Variants in PARD3B observed in about 807,000 individuals in gnomAD.
PARD3B encodes partitioning defective 3 homolog B.
PARD3B carries 103 observed loss-of-function variants against 130.2 expected under a neutral mutation model. The ratio of observed to expected loss-of-function variants is 0.79; its 90% CI spans 0.67 to 0.93. The LOEUF is 0.93. Among genes scored for constraint, PARD3B ranks in the 40% least tolerant of loss-of-function variants. PARD3B has a pLI of 0.00. For missense variants in PARD3B, 1,609 were observed against 1,499.2 expected, an observed-to-expected ratio of 1.07 and a Z score of -1.21; for synonymous variants, 583 against 553.2, an observed-to-expected ratio of 1.05 and a Z score of -0.76.
At chr2:205,170,033 C>T (rs933286246) in intron 11 of PARD3B, among the ~76,000 whole-genome samples, 14 of 151,280 alleles carry the variant, frequency 9.3e-5, no homozygotes, top group African/African-American at 2.4e-4. Context: ...TCGGTTCAAG[C>T]GATTCTCCTG....
chr2:205,104,016 G>T (rs1243412701), intron 4 of PARD3B, among the ~76,000 whole-genome samples: 1 of 152,094 alleles, frequency 6.6e-6, no homozygotes. Context: ...CATGGATTTT[G>T]CTTTTCTTTA....
At chr2:205,137,731 A>G (rs2032607132) in intron 10 of PARD3B, among the ~76,000 whole-genome samples, 1 of 152,170 alleles carries the variant, frequency 6.6e-6, no homozygotes, top group South Asian at 2.1e-4. Flanking sequence ...CGTGTCTGTC[A>G]GTTGGTACTC....
intron 18 of PARD3B, among the ~76,000 whole-genome samples, chr2:205,389,431 C>T (rs190593532): frequency 1.3e-4 from 20 of 152,224 alleles, no homozygotes; most frequent in East Asian, 1.9e-4. Context: ...GACGCTATGT[C>T]GGTTCACTGC....
At chr2:205,104,948 T>C (rs1416709065) in intron 5 of PARD3B, among the ~76,000 whole-genome samples, 1 of 152,208 alleles carries the variant, frequency 6.6e-6, no homozygotes, top group African/African-American at 2.4e-5. Context: ...AATAGTTTAC[T>C]TGATGAAATA....
intron 2 of PARD3B, among the ~76,000 whole-genome samples, chr2:204,874,113 C>T (rs754429450): frequency 6.6e-6 from 1 of 152,074 alleles, no homozygotes; most frequent in Non-Finnish European, 1.5e-5. Context: ...ATCGTACTCC[C>T]GCCTGAGCGA....
At chr2:204,663,415 A>G (rs980649302) in intron 1 of PARD3B, among the ~76,000 whole-genome samples, 2 of 152,232 alleles carry the variant, frequency 1.3e-5, no homozygotes, top group African/African-American at 4.8e-5. Flanking sequence ...TCATATTGGG[A>G]AATGTGAGTA....
intron 1 of PARD3B, among the ~76,000 whole-genome samples, chr2:204,619,323 G>T (rs868864398): frequency 6.6e-6 from 1 of 152,038 alleles, no homozygotes; most frequent in Admixed American, 6.5e-5. Context: ...TAATTGGCAG[G>T]CATTTCATCA....
In PARD3B at chr2:205,158,948, T is replaced by G; in HGVS notation, c.1620+41T>G. The G allele has an allele frequency of 1.9e-6, 3 of 1,599,464 alleles. No homozygotes were observed. Among genetic ancestry groups the G allele is most frequent in the Non-Finnish European group, 2.6e-6 (3 of 1,169,238 alleles). ...ATTTGTACATCCTTTGAGAAGGCAC[T>G]TGGAGATGTGACTGTTGTACTTAGA... is the stretch of plus-strand genomic sequence containing the variant. On this transcript the variant is annotated intron_variant, in intron 11 of 22. Transcript: ENST00000406610. The surrounding 1 kb of genome is among the most constrained non-coding windows in gnomAD (Gnocchi z 5.4).
At position 205,288,104 on chromosome 2, in the gene PARD3B, G is replaced by A. The variant is rs1207427; in HGVS notation, c.2186-12426G>A. On this transcript the variant is annotated intron_variant, in intron 16 of 22. Transcript: ENST00000406610. This position sits in a 1 kb window ranked among gnomAD's most constrained non-coding sequence, Gnocchi z 4.0. ...TATATATTACCAAATATAGTAAAGC[G>A]TGCTTACGAGGAGATAGCAAAGGGT... Among the ~76,000 whole-genome samples the A allele has an allele frequency of 0.29, 43,962 of 151,904 alleles. 10,851 individuals carry two copies. The highest frequency in any genetic ancestry group is 0.67 in the African/African-American group (27,946 of 41,408).
At chr2:205,481,026 G>T (rs138509789) in intron 20 of PARD3B, among the ~76,000 whole-genome samples, 63 of 152,252 alleles carry the variant, frequency 4.1e-4, no homozygotes, top group African/African-American at 1.4e-3. Context: ...GAATCTCTCT[G>T]TGAGCACAGG....
At chr2:205,154,316 T>C (rs2033967056) in intron 10 of PARD3B, among the ~76,000 whole-genome samples, 1 of 152,152 alleles carries the variant, frequency 6.6e-6, no homozygotes, top group South Asian at 2.1e-4. Flanking sequence ...TCACTGGCCA[T>C]CAGAGAAATG....
chr2:205,246,928 C>G lies in PARD3B; in HGVS notation c.2185+1106C>G, dbSNP rs140779182. Among the ~76,000 whole-genome samples the G allele has an allele frequency of 9.8e-3, 1,499 of 152,204 alleles. 12 individuals are homozygous for G. Among genetic ancestry groups the G allele is most frequent in the Non-Finnish European group, 0.017 (1,137 of 67,992 alleles). On this transcript the variant is annotated intron_variant, in intron 16 of 22. Coordinates refer to ENST00000406610, the MANE Select transcript of PARD3B (RefSeq NM_001302769.2). ...GATAAATTGCCACATGCTCCTTGCTCCCAACATCCTCTTCCATTAAATTCT... is the reference window on the plus strand; with the variant it reads ...GATAAATTGCCACATGCTCCTTGCTGCCAACATCCTCTTCCATTAAATTCT...
At chr2:204,853,453 A>G (rs571048076) in intron 2 of PARD3B, among the ~76,000 whole-genome samples, 1 of 152,308 alleles carries the variant, frequency 6.6e-6, no homozygotes, top group African/African-American at 2.4e-5. Flanking sequence ...TTTGAGGCCA[A>G]GAGTTCAGCA....
At chr2:205,306,476 T>C (rs894497654) in intron 18 of PARD3B, among the ~76,000 whole-genome samples, 1 of 152,244 alleles carries the variant, frequency 6.6e-6, no homozygotes, top group African/African-American at 2.4e-5. Context: ...TCCCATTTTC[T>C]AGAATATTAC....
At position 205,026,701 on chromosome 2, in the gene PARD3B, A is replaced by G. The variant is rs183265192; in HGVS notation, c.395-20880A>G. 3.6e-3 allele frequency among the ~76,000 whole-genome samples: 542 copies of G among 152,276 alleles called. 3 individuals are homozygous for G. Among genetic ancestry groups the G allele is most frequent in the African/African-American group, 0.012 (489 of 41,550 alleles). On this transcript the variant is annotated intron_variant, in intron 3 of 22. Coordinates refer to ENST00000406610, the MANE Select transcript of PARD3B (RefSeq NM_001302769.2). ...CAACACTTCCTCCAACCCTTCATCCATGGCACCCATGATTCTACTGTCTGC... is the reference window on the plus strand; with the variant it reads ...CAACACTTCCTCCAACCCTTCATCCGTGGCACCCATGATTCTACTGTCTGC...
intron 2 of PARD3B, among the ~76,000 whole-genome samples, chr2:204,937,641 A>G (rs190731217): frequency 5.3e-5 from 8 of 152,302 alleles, no homozygotes; most frequent in Admixed American, 1.3e-4. Context: ...ACTGATTAGT[A>G]TGTGTCAGCG....
At chr2:204,900,757 CT>C (rs2046824895) in intron 2 of PARD3B, among the ~76,000 whole-genome samples, 1 of 152,116 alleles carries the variant, frequency 6.6e-6, no homozygotes, top group South Asian at 2.1e-4. Flanking sequence ...TGTACTTGCC[CT>C]TCTTCAGAAG....
At chr2:205,377,603 C>T (rs1451887813) in intron 18 of PARD3B, among the ~76,000 whole-genome samples, 3 of 151,868 alleles carry the variant, frequency 2.0e-5, no homozygotes, top group East Asian at 1.9e-4. Flanking sequence ...TGGTAGAAGC[C>T]CACAAGGGAC....
intron 15 of PARD3B, among the ~76,000 whole-genome samples, chr2:205,200,329 A>T (rs2036919491): frequency 6.6e-6 from 1 of 152,210 alleles, no homozygotes; most frequent in Admixed American, 6.5e-5. Flanking sequence ...AATTTGGCAC[A>T]TATCTAACTT....
Sources: allele counts gnomAD v4.1 joint callset (sites outside exome capture counted in the v4.1 genomes callset), GRCh38; gene constraint gnomAD v4.1.1; non-coding constraint Gnocchi (gnomAD v3.1); transcripts MANE v1.5; gene names NCBI Gene and HGNC (gene_info 2026-07-23, HGNC 2026-07-21).